The following CACNG3 variants were observed in gnomAD, a reference collection of about 807,000 sequenced individuals.
The protein encoded by CACNG3 is voltage-dependent calcium channel gamma-3 subunit.
In CACNG3, 3 loss-of-function variants were observed where a neutral mutation model predicts 28.5. That is an observed-to-expected ratio of 0.11 (90% CI 0.05 to 0.27). The LOEUF (loss-of-function observed/expected upper bound fraction) is 0.27. CACNG3 is among the 10% of genes least tolerant of loss of function. CACNG3 has a pLI of 1.00. For synonymous variants in CACNG3, 174 were observed against 162.2 expected (o/e 1.07, Z -0.55); for missense variants, 236 against 414.4 (o/e 0.57, Z 3.74).
At chr16:24,304,402 T>G (rs1899156721) in intron 1 of CACNG3, among the ~76,000 whole-genome samples, 1 of 152,122 alleles carries the variant, frequency 6.6e-6, no homozygotes, top group Non-Finnish European at 1.5e-5. Context: ...ATGCACACAG[T>G]GTAGGTATAC....
At chr16:24,337,541 C>T (rs1179969492) in intron 1 of CACNG3, among the ~76,000 whole-genome samples, 1 of 151,940 alleles carries the variant, frequency 6.6e-6, no homozygotes, top group Non-Finnish European at 1.5e-5. Flanking sequence ...CAGGCCAGGT[C>T]CATGGTGGCT....
chr16:24,353,473 G>A (rs1899986050), intron 2 of CACNG3, among the ~76,000 whole-genome samples: 1 of 152,144 alleles, frequency 6.6e-6, no homozygotes, highest in East Asian at 1.9e-4. Flanking sequence ...GTAAATACTG[G>A]GACCCCAACC....
chr16:24,339,340 T>A (rs1366958013), intron 1 of CACNG3, among the ~76,000 whole-genome samples: 2 of 149,618 alleles, frequency 1.3e-5, no homozygotes, highest in Non-Finnish European at 3.0e-5. Flanking sequence ...AGCTCTTTCA[T>A]TCATTCTACT....
rs905233853 is a variant in CACNG3, at chr16:24,310,098, G to A, written c.212-36636G>A. The stretch of plus-strand genomic sequence containing the variant: ...GAGATTGCTGGGGCCATCCAGGTAA[G>A]GAATGGCGATGGCTTGGGCCAGCAT... On this transcript the variant is annotated intron_variant, in intron 1 of 3. Coordinates refer to ENST00000005284, the MANE Select transcript of CACNG3 (RefSeq NM_006539.4). Among the ~76,000 whole-genome samples, 17 of 152,242 alleles carry A rather than the reference G, an allele frequency of 1.1e-4. 1 individual carries two copies. Among genetic ancestry groups the A allele is most frequent in the Non-Finnish European group, 7.3e-5 (5 of 68,044 alleles).
intron 1 of CACNG3, among the ~76,000 whole-genome samples, chr16:24,323,121 G>A (rs1899486905): frequency 6.7e-6 from 1 of 150,132 alleles, no homozygotes; most frequent in Non-Finnish European, 1.5e-5. Flanking sequence ...CAGCTACTCA[G>A]GAAGCTGAGC....
At chr16:24,354,481 G>A (rs893674253) in intron 2 of CACNG3, among the ~76,000 whole-genome samples, 1 of 152,156 alleles carries the variant, frequency 6.6e-6, no homozygotes, top group Admixed American at 6.5e-5. Context: ...AGGCAGGGAG[G>A]TGGGAAGGTG....
intron 1 of CACNG3, among the ~76,000 whole-genome samples, chr16:24,318,855 A>C (rs1015861839): frequency 1.3e-5 from 2 of 152,160 alleles, no homozygotes; most frequent in African/African-American, 4.8e-5. Context: ...CCAGGCAGGC[A>C]ACCCCACCAG....
intron 1 of CACNG3, among the ~76,000 whole-genome samples, chr16:24,281,743 G>A (rs1446759009): frequency 6.6e-6 from 1 of 152,182 alleles, no homozygotes; most frequent in East Asian, 1.9e-4. Context: ...AACCATTATT[G>A]ACCAGTTGCT....
At chr16:24,293,923 A>C (rs1023847162) in intron 1 of CACNG3, among the ~76,000 whole-genome samples, 1 of 152,100 alleles carries the variant, frequency 6.6e-6, no homozygotes, top group Non-Finnish European at 1.5e-5. Context: ...TAAGCCTTGA[A>C]TCTTCTAGAC....
At chr16:24,303,003 A>G (rs1000586608) in intron 1 of CACNG3, among the ~76,000 whole-genome samples, 2 of 152,052 alleles carry the variant, frequency 1.3e-5, no homozygotes, top group Non-Finnish European at 2.9e-5. Flanking sequence ...CGTGTTGCCC[A>G]GGCTGGTTTT....
chr16:24,327,111 G>A (rs1318844437), intron 1 of CACNG3, among the ~76,000 whole-genome samples: 5 of 111,254 alleles, frequency 4.5e-5, no homozygotes, highest in Non-Finnish European at 8.3e-5. Context: ...AGTGGCCAAG[G>A]CAGGGGCTCC....
chr16:24,298,093 G>A (rs1886753524), intron 1 of CACNG3, among the ~76,000 whole-genome samples: 2 of 151,944 alleles, frequency 1.3e-5, no homozygotes, highest in Non-Finnish European at 2.9e-5. Flanking sequence ...AAATTCGTTT[G>A]AAAGGTACAA....
intron 1 of CACNG3, among the ~76,000 whole-genome samples, chr16:24,288,444 T>C (rs1467808173): frequency 6.6e-6 from 1 of 152,134 alleles, no homozygotes; most frequent in East Asian, 1.9e-4. Flanking sequence ...TCCTTAGGAG[T>C]ATCGCTCGTG....
intron 1 of CACNG3, among the ~76,000 whole-genome samples, chr16:24,283,115 G>T (rs1898851137): frequency 6.6e-6 from 1 of 152,004 alleles, no homozygotes; most frequent in South Asian, 2.1e-4. Flanking sequence ...TGATCTGCTT[G>T]CCTTGGCCTC....
rs371341984 is a variant in CACNG3 at position 24,335,293 on chromosome 16, A to T, written c.212-11441A>T. 1.7e-3 allele frequency among the ~76,000 whole-genome samples: 257 copies of T among 152,066 alleles called. 15 individuals carry two copies. The South Asian group carries it at 0.053, about 31-fold the overall frequency. ...AAATTAGCTGGGCGTGGTGGCGGGC[A>T]CCTGTAATCTCAGCTACTCAGGAGG... On this transcript the variant is annotated intron_variant, in intron 1 of 3. Coordinates refer to ENST00000005284, the MANE Select transcript of CACNG3 (RefSeq NM_006539.4).
At chr16:24,344,715 G>A (rs1426352503) in intron 1 of CACNG3, among the ~76,000 whole-genome samples, 3 of 152,154 alleles carry the variant, frequency 2.0e-5, no homozygotes, top group African/African-American at 7.2e-5. Flanking sequence ...CAGAACCAAG[G>A]AGATGTTCTA....
chr16:24,296,113 G>C (rs189495193), intron 1 of CACNG3, among the ~76,000 whole-genome samples: 17 of 152,280 alleles, frequency 1.1e-4, no homozygotes, highest in African/African-American at 3.6e-4. Context: ...CTGCCCCCAG[G>C]ATGACAAGGT....
chr16:24,338,005 T>G (rs562303586), intron 1 of CACNG3, among the ~76,000 whole-genome samples: 1 of 152,186 alleles, frequency 6.6e-6, no homozygotes, highest in African/African-American at 2.4e-5. Flanking sequence ...GGGCAGCTGA[T>G]GGACCCAGTG....
intron 3 of CACNG3, among the ~76,000 whole-genome samples, chr16:24,355,364 A>G (rs1008917053): frequency 2.1e-5 from 1 of 47,376 alleles, no homozygotes; most frequent in African/African-American, 9.3e-5. Flanking sequence ...GTTTGAGCCC[A>G]GGAGTTCGAG....
Sources: gnomAD v4.1 joint callset for allele counts (sites outside exome capture counted in the v4.1 genomes callset) on GRCh38, gnomAD v4.1.1 for gene constraint, MANE v1.5 for transcripts, NCBI Gene and HGNC (gene_info 2026-07-23, HGNC 2026-07-21) for gene names.